Variants in CSMD1 observed in about 807,000 individuals in gnomAD.
CSMD1 encodes CUB and Sushi multiple domains 1, also known as CUB and sushi domain-containing protein 1.
CSMD1 carries 213 observed loss-of-function variants against 417.5 expected under a neutral mutation model. That is an observed-to-expected ratio of 0.51 (90% CI 0.46 to 0.57). The LOEUF (loss-of-function observed/expected upper bound fraction) is 0.57. Ranked by LOEUF, CSMD1 falls within the 20% of genes least tolerant of loss-of-function variation. The probability of loss-of-function intolerance (pLI) is 0.00; values close to 1 mark genes in which losing one functional copy is unlikely to be tolerated. For synonymous variants in CSMD1, 2,862 were observed against 1,736.8 expected (o/e 1.65, Z -16.11); for missense variants, 6,923 against 4,529.7 (o/e 1.53, Z -15.17).
intron 26 of CSMD1, among the ~76,000 whole-genome samples, chr8:3,264,799 G>A (rs1353525115): frequency 1.3e-5 from 2 of 152,146 alleles, no homozygotes; most frequent in Non-Finnish European, 2.9e-5. Flanking sequence ...GCCAGAAACA[G>A]TGCCTCTGTT....
chr8:3,586,976 T>A (rs2117004164), intron 8 of CSMD1, among the ~76,000 whole-genome samples: 1 of 152,234 alleles, frequency 6.6e-6, no homozygotes, highest in Non-Finnish European at 1.5e-5. Flanking sequence ...ATTTTTGTAT[T>A]TTTAGTAGAG....
At chr8:4,581,076 C>T (rs573565708) in intron 2 of CSMD1, among the ~76,000 whole-genome samples, 1 of 152,070 alleles carries the variant, frequency 6.6e-6, no homozygotes, top group South Asian at 2.1e-4. Context: ...GTTTACATGA[C>T]TACATTTTAA....
intron 3 of CSMD1, among the ~76,000 whole-genome samples, chr8:4,379,778 C>T (rs935600002): frequency 1.3e-5 from 2 of 152,212 alleles, no homozygotes; most frequent in South Asian, 2.1e-4. Context: ...CACTTTAGGT[C>T]CAAGTCCTCC....
At chr8:3,296,622 G>T (rs1032471636) in intron 25 of CSMD1, among the ~76,000 whole-genome samples, 1 of 152,148 alleles carries the variant, frequency 6.6e-6, no homozygotes, top group South Asian at 2.1e-4. Flanking sequence ...AGAAAGTGGC[G>T]TATGTGCTGA....
At chr8:4,668,032 T>C (rs1479863727) in intron 1 of CSMD1, among the ~76,000 whole-genome samples, 1 of 152,242 alleles carries the variant, frequency 6.6e-6, no homozygotes, top group African/African-American at 2.4e-5. Context: ...CTACATGAAA[T>C]ACCTCATCTC....
At chr8:4,244,184 G>A (rs769573426) in intron 3 of CSMD1, among the ~76,000 whole-genome samples, 3 of 152,148 alleles carry the variant, frequency 2.0e-5, no homozygotes, top group East Asian at 1.9e-4. Flanking sequence ...TGGTAGAACC[G>A]TTTAGGCTTA....
chr8:3,186,449 G>A (rs1485916662), intron 36 of CSMD1, among the ~76,000 whole-genome samples: 1 of 152,132 alleles, frequency 6.6e-6, no homozygotes, highest in South Asian at 2.1e-4. Flanking sequence ...ATAACAATAA[G>A]ATGATAGATT....
rs867307461 is a variant in CSMD1, at chr8:4,780,439, A to T, written c.86-142881T>A. ...GATCTGTCTGTCTGTCTGTCTGTCT[A>T]CCTACCTACCTACCTATCATCTCTC... On this transcript the variant is annotated intron_variant, in intron 1 of 69. Transcript: ENST00000635120. 5.1e-3 allele frequency among the ~76,000 whole-genome samples: 723 copies of T among 143,120 alleles called. 7 individuals are homozygous for T. Among genetic ancestry groups the T allele is most frequent in the East Asian group, 0.019 (84 of 4,318 alleles). 93.9% of individuals were successfully genotyped at this position (143,120 alleles called of 152,430 possible). A position where few individuals can be genotyped will look rare whatever the true frequency, so the allele number is the denominator to read the frequency against.
chr8:4,282,784 T>C (rs969405708), intron 3 of CSMD1, among the ~76,000 whole-genome samples: 1 of 152,204 alleles, frequency 6.6e-6, no homozygotes, highest in Non-Finnish European at 1.5e-5. Flanking sequence ...CTTTTTATAG[T>C]AATTACACTT....
intron 1 of CSMD1, among the ~76,000 whole-genome samples, chr8:4,806,536 G>A (rs539990248): frequency 4.6e-5 from 7 of 152,244 alleles, no homozygotes; most frequent in Admixed American, 1.3e-4. Flanking sequence ...TCCTGCCACC[G>A]TGCTACTAGC....
chr8:4,234,628 G>C (rs983729945), intron 3 of CSMD1, among the ~76,000 whole-genome samples: 8 of 152,064 alleles, frequency 5.3e-5, no homozygotes, highest in Non-Finnish European at 8.8e-5. Flanking sequence ...TTTTATTCTA[G>C]GACATGGAAG....
rs75655739 is a variant in CSMD1, at chr8:3,747,583, T to C, written c.931+6347A>G. Among the ~76,000 whole-genome samples the C allele has an allele frequency of 6.4e-3, 976 of 152,248 alleles. 5 individuals are homozygous for C. Among genetic ancestry groups the C allele is most frequent in the Middle Eastern group, 0.01 (3 of 294 alleles). ...CAGTTTGTCTCTTTCCAAGTTTGTTTATTACTTCTATGGTTAATGAACATT... is the reference window on the plus strand; with the variant it reads ...CAGTTTGTCTCTTTCCAAGTTTGTTCATTACTTCTATGGTTAATGAACATT... On this transcript the variant is annotated intron_variant, in intron 6 of 69. Coordinates refer to ENST00000635120, the MANE Select transcript of CSMD1 (RefSeq NM_033225.6).
intron 3 of CSMD1, among the ~76,000 whole-genome samples, chr8:4,185,826 C>T (rs958832278): frequency 6.6e-6 from 1 of 152,148 alleles, no homozygotes; most frequent in African/African-American, 2.4e-5. Context: ...CAGAAAGTGC[C>T]CTGCATAAGC....
chr8:3,851,168 T>C (rs551008898), intron 5 of CSMD1, among the ~76,000 whole-genome samples: 41 of 152,324 alleles, frequency 2.7e-4, no homozygotes, highest in Admixed American at 1.3e-3. Flanking sequence ...CAGGATATAT[T>C]ATGATATCAG....
chr8:4,630,572 A>C (rs986649952), intron 2 of CSMD1, among the ~76,000 whole-genome samples: 1 of 152,210 alleles, frequency 6.6e-6, no homozygotes, highest in African/African-American at 2.4e-5. Context: ...TGTTGACAAG[A>C]GCAATTTGAA....
At chr8:4,049,058 G>A (rs537000899) in intron 3 of CSMD1, among the ~76,000 whole-genome samples, 42 of 152,198 alleles carry the variant, frequency 2.8e-4, no homozygotes, top group African/African-American at 9.6e-4. Context: ...TCTCAAAACA[G>A]TCCTTTCATG....
intron 3 of CSMD1, among the ~76,000 whole-genome samples, chr8:4,407,017 G>A (rs7837956): frequency 0.74 from 113,233 of 152,106 alleles, 42,492 homozygotes; most frequent in East Asian, 0.91. Flanking sequence ...CCATAGCTAC[G>A]GGTCCCCTGT....
At chr8:4,732,320 G>A (rs555191193) in intron 1 of CSMD1, among the ~76,000 whole-genome samples, 1 of 149,142 alleles carries the variant, frequency 6.7e-6, no homozygotes, top group Non-Finnish European at 1.5e-5. Flanking sequence ...CACCTGAAGA[G>A]TTAATAGATT....
At chr8:3,101,161 G>A (rs538729900) in intron 46 of CSMD1, among the ~76,000 whole-genome samples, 1 of 151,816 alleles carries the variant, frequency 6.6e-6, no homozygotes, top group South Asian at 2.1e-4. Context: ...TTAAAGTCAG[G>A]TCCTAGTCTA....
Sources: allele counts gnomAD v4.1 joint callset (sites outside exome capture counted in the v4.1 genomes callset), GRCh38; gene constraint gnomAD v4.1.1; transcripts MANE v1.5; gene names NCBI Gene and HGNC (gene_info 2026-07-23, HGNC 2026-07-21).